Variants in ADCY6 observed in about 807,000 individuals in gnomAD.
ADCY6 encodes adenylate cyclase type 6.
A neutral mutation model predicts 111.6 loss-of-function variants in ADCY6; 59 were observed. The ratio of observed to expected loss-of-function variants is 0.53; its 90% CI spans 0.43 to 0.66. ADCY6 has a LOEUF of 0.66. Among genes scored for constraint, ADCY6 ranks in the 30% least tolerant of loss-of-function variants. ADCY6 has a pLI of 0.00. For missense variants in ADCY6, 1,242 were observed against 1,595.6 expected (o/e 0.78, Z 3.78); for synonymous variants, 576 against 642.9 (o/e 0.90, Z 1.57).
At chr12:48,784,664 A>ATTTT (rs1941942083) in intron 1 of ADCY6, among the ~76,000 whole-genome samples, 6 of 84,220 alleles carry the variant, frequency 7.1e-5, no homozygotes, top group African/African-American at 2.6e-4. Flanking sequence ...AAAAATCTGG[A>ATTTT]GTTTTTTTTT....
chr12:48,773,043 TACA>T (rs1478649532), intron 16 of ADCY6, among the ~76,000 whole-genome samples: 1 of 152,116 alleles, frequency 6.6e-6, no homozygotes, highest in Non-Finnish European at 1.5e-5. Context: ...CTTTTTCTAC[TACA>T]ACAAGCTATG....
Position 48,772,321 on chromosome 12 carries a change from G to C in ADCY6, c.2761C>G (p.Arg921Gly). 3 of 1,613,856 alleles carry C rather than the reference G, an allele frequency of 1.9e-6. No homozygotes were observed. Among genetic ancestry groups the C allele is most frequent in the Non-Finnish European group, 2.5e-6 (3 of 1,179,882 alleles). The change falls in exon 18 of 22, where the codon CGC (arginine) becomes GGC (glycine). Residue 921 changes from arginine to glycine, a missense_variant. Arg to Gly is a moderately radical substitution (Grantham distance 125). This residue lies in a region of ADCY6 where 245 missense variants were observed against 371.3 expected (regional missense o/e 0.66). Transcript: ENST00000357869. ...TGTAGTTTCCAGAGGAAGTCTAGGC[G>C]GGCAGTCGACTCCACCTGCTGAGCA... is the stretch of plus-strand genomic sequence containing the variant. ...LHAQQVESTARLDFLWKLQAT... is the reference protein window; with the variant it reads ...LHAQQVESTAGLDFLWKLQAT...
chr12:48,787,475 G>A (rs1483034909), intron 1 of ADCY6, among the ~76,000 whole-genome samples: 1 of 152,110 alleles, frequency 6.6e-6, no homozygotes, highest in African/African-American at 2.4e-5. Flanking sequence ...ATCCCACCCT[G>A]GGCTCCACTC....
chr12:48,774,927 A>AAGCT, intron 12 of ADCY6, 30 bp downstream of exon 12: 1 of 1,542,836 alleles, frequency 6.5e-7, no homozygotes, highest in Non-Finnish European at 8.8e-7. Context: ...GTGAAGAGAG[A>AAGCT]AGCTAAGAGA....
Position 48,775,990 on chromosome 12 carries a change from G to C in ADCY6, c.1779C>G (p.Thr593=). The change falls in exon 9 of 22, where the codon ACC becomes ACG. Residue 593 remains threonine (T), a synonymous_variant. Transcript: ENST00000357869. ...TCTGGCGGAAGGCCTTGGAGTCCTTGGTCCGGGAGAAGGCACGATCAGGAA... is the reference window on the plus strand; with the variant it reads ...TCTGGCGGAAGGCCTTGGAGTCCTTCGTCCGGGAGAAGGCACGATCAGGAA... The part of the protein sequence containing the change: ...RWVPDRAFSR[T]KDSKAFRQMG... 4 of 1,609,446 alleles carry C rather than the reference G, an allele frequency of 2.5e-6. No individual in the cohort carries two copies. The highest frequency in any genetic ancestry group is 3.4e-6 in the Non-Finnish European group (4 of 1,177,870).
Position 48,788,961 on chromosome 12 carries a change from TCCGGCCGG to T in ADCY6, c.-68_-61del, listed in dbSNP as rs1159051902. 1.0e-5 allele frequency: 1 copy of T among 95,774 alleles called. No individual in the cohort carries two copies. Among genetic ancestry groups the T allele is most frequent in the South Asian group, 3.6e-4 (1 of 2,804 alleles). The allele number at this position is 95,774 out of a possible 1,614,324, so 5.9% of individuals were successfully genotyped here. A position where few individuals can be genotyped will look rare whatever the true frequency, so the allele number is the denominator to read the frequency against. ...CCCCCGCCCCGCCGCCCCCGCGGGCTCCGGCCGGCCGGCCGGCCGTCCCGCGGTCCTCC... is the reference window on the plus strand; with the variant it reads ...CCCCCGCCCCGCCGCCCCCGCGGGCTCCGGCCGGCCGTCCCGCGGTCCTCC... On this transcript the variant is annotated 5_prime_UTR_variant, in exon 1 of 22. Coordinates refer to ENST00000357869, the MANE Select transcript of ADCY6 (RefSeq NM_015270.5).
Position 48,768,935 on chromosome 12 carries a change from AC to A in ADCY6, c.3381+1del, listed in dbSNP as rs1177567109. The A allele has an allele frequency of 6.2e-7, 1 of 1,606,862 alleles. No homozygotes were observed. The highest frequency in any genetic ancestry group is 1.7e-4 in the Middle Eastern group (1 of 6,044). ...CCCAGCCCCTGCTCATATCCCCCTC[AC>A]CTGGATTCGGTCGGGGACCCCCGTG... On this transcript the variant is annotated splice_donor_variant, in intron 21 of 21. Transcript: ENST00000357869. LOFTEE classifies it high-confidence loss of function.
Position 48,787,353 on chromosome 12 carries a change from C to T in ADCY6, c.-5+1553G>A, listed in dbSNP as rs575543741. 7.6e-4 allele frequency among the ~76,000 whole-genome samples: 116 copies of T among 152,164 alleles called. 1 individual carries two copies. Among genetic ancestry groups the T allele is most frequent in the Non-Finnish European group, 7.1e-4 (48 of 68,014 alleles). On this transcript the variant is annotated intron_variant, in intron 1 of 21. Transcript: ENST00000357869. Reference sequence around the variant, plus strand: ...CATCCTAGCATCTGGCTCATACTCACAGAGAAAGGGGCAAATGCTATCCAG... The same window carrying T: ...CATCCTAGCATCTGGCTCATACTCATAGAGAAAGGGGCAAATGCTATCCAG...
In ADCY6 at chr12:48,777,669, T is replaced by C. The variant is rs1175315395; in HGVS notation, c.1082A>G (p.Lys361Arg). 4 of 1,613,780 alleles carry C rather than the reference T, an allele frequency of 2.5e-6. No individual in the cohort carries two copies. In the South Asian group the frequency reaches 3.3e-5, roughly 13 times the overall value. Residue 361 changes from lysine to arginine, a missense_variant, in exon 4 of 22, where the codon AAA becomes AGA. By Grantham distance (26) the Lys-to-Arg change is conservative. Coordinates refer to ENST00000357869, the MANE Select transcript of ADCY6 (RefSeq NM_015270.5). This position sits in a 1 kb window ranked among gnomAD's most constrained non-coding sequence, Gnocchi z 4.9. Reference sequence around the variant, plus strand: ...CTTGTGGAACATCATGTCTTCTTTTTTTGTGTTGATGTCTTCTTTCATCTC... The same window carrying C: ...CTTGTGGAACATCATGTCTTCTTTTCTTGTGTTGATGTCTTCTTTCATCTC... The part of the protein sequence containing the change: ...AMEMKEDINT[K>R]KEDMMFHKIY...
Position 48,772,372 on chromosome 12 carries a change from C to T in ADCY6, c.2710G>A (p.Val904Met), listed in dbSNP as rs747259943. 18 of 1,614,208 alleles carry T rather than the reference C, an allele frequency of 1.1e-5. No homozygotes were observed. Among genetic ancestry groups the T allele is most frequent in the South Asian group, 5.5e-5 (5 of 91,086 alleles). Residue 904 changes from valine to methionine, a missense_variant, in exon 18 of 22, where the codon GTG becomes ATG. Around this residue, in one of 4 missense-constraint regions of ADCY6, gnomAD observed 245 missense variants for 371.3 expected, o/e 0.66. Transcript: ENST00000357869. The stretch of plus-strand genomic sequence containing the variant: ...TGCAGATACAGCGCCAGCGCAAACA[C>T]CAGCAGAATCACAGGGGTCATATAT... Reference protein sequence around the residue: ...LKYMTPVILLVFALALYLHAQ... With the variant: ...LKYMTPVILLMFALALYLHAQ...
chr12:48,781,638 G>C (rs1004914143), intron 2 of ADCY6, among the ~76,000 whole-genome samples: 1 of 152,188 alleles, frequency 6.6e-6, no homozygotes, highest in Non-Finnish European at 1.5e-5. Flanking sequence ...CTCCACTCTA[G>C]GAAAGGGTGG....
chr12:48,777,931 C>A lies in ADCY6; in HGVS notation c.1014+177G>T, dbSNP rs1359173582. Among the ~76,000 whole-genome samples, 2 of 152,160 alleles carry A rather than the reference C, an allele frequency of 1.3e-5. No individual in the cohort carries two copies. Among genetic ancestry groups the A allele is most frequent in the African/African-American group, 4.8e-5 (2 of 41,436 alleles). On this transcript the variant is annotated intron_variant, in intron 3 of 21. Transcript: ENST00000357869. The surrounding 1 kb of genome is among the most constrained non-coding windows in gnomAD (Gnocchi z 4.9). ...ATTGAGCCCCCAGATGTGCTCCTGT[C>A]TACGCCCTCCTTCCCTTGGACAGGA...
At chr12:48,770,313 A>G (rs1231863990) in intron 20 of ADCY6, among the ~76,000 whole-genome samples, 1 of 152,166 alleles carries the variant, frequency 6.6e-6, no homozygotes, top group Non-Finnish European at 1.5e-5. Flanking sequence ...AAGCCAGTAA[A>G]TGGAGCAGCC....
intron 14 of ADCY6, 45 bp from the exon 15 acceptor site, chr12:48,774,143 G>A (rs775736046): frequency 6.4e-7 from 1 of 1,555,218 alleles, no homozygotes. Context: ...GGAGGGAAAG[G>A]GTTGCAAGGT....
At position 48,771,928 on chromosome 12, in the gene ADCY6, G is replaced by C. The variant is rs2137339338; in HGVS notation, c.2833C>G (p.Arg945Gly). 1.2e-6 allele frequency: 2 copies of C among 1,614,070 alleles called. No individual in the cohort carries two copies. The highest frequency in any genetic ancestry group is 1.7e-6 in the Non-Finnish European group (2 of 1,179,976). ...GGCAGAATGTTATGCAGCAGCCTCC[G>C]GTTGTATGCCTGTAGCTCCTCCATC... ...EEMEELQAYN[R>G]RLLHNILPKD... The change falls in exon 19 of 22, where the codon CGG (arginine) becomes GGG (glycine). Residue 945 changes from arginine to glycine, a missense_variant. Physicochemically the swap from Arg to Gly is moderately radical, Grantham distance 125. Coordinates refer to ENST00000357869, the MANE Select transcript of ADCY6 (RefSeq NM_015270.5). This position sits in a 1 kb window ranked among gnomAD's most constrained non-coding sequence, Gnocchi z 4.3.
At chr12:48,785,306 C>T (rs1489862342) in intron 1 of ADCY6, among the ~76,000 whole-genome samples, 1 of 152,166 alleles carries the variant, frequency 6.6e-6, no homozygotes, top group East Asian at 1.9e-4. Flanking sequence ...GTATCCACAA[C>T]CCTTAGAAGG....
At position 48,782,557 on chromosome 12, in the gene ADCY6, C is replaced by T. The variant is rs775024303; in HGVS notation, c.864+14G>A. 1 of 1,601,458 alleles carries T rather than the reference C, an allele frequency of 6.2e-7. No individual in the cohort carries two copies. Among genetic ancestry groups the T allele is most frequent in the Non-Finnish European group, 8.5e-7 (1 of 1,173,632 alleles). ...CACCTGCTGCCCTCCATCCCTACCTCCCTGGCCACCTACCTGCTTCCAGAG... is the reference window on the plus strand; with the variant it reads ...CACCTGCTGCCCTCCATCCCTACCTTCCTGGCCACCTACCTGCTTCCAGAG... On this transcript the variant is annotated intron_variant, in intron 2 of 21. Transcript: ENST00000357869. The surrounding 1 kb of genome is among the most constrained non-coding windows in gnomAD (Gnocchi z 4.3).
Position 48,770,750 on chromosome 12 carries a change from A to G in ADCY6, c.3256+16T>C. The G allele has an allele frequency of 6.2e-7, 1 of 1,611,082 alleles. No homozygotes were observed. The highest frequency in any genetic ancestry group is 1.1e-5 in the South Asian group (1 of 90,990). On this transcript the variant is annotated intron_variant, in intron 20 of 21. Transcript: ENST00000357869. Reference sequence around the variant, plus strand: ...AAAGTCCTGGGAAAACCCGCCAAGCAACAAAGCCCTCTTACCAATCTTCAT... The same window carrying G: ...AAAGTCCTGGGAAAACCCGCCAAGCGACAAAGCCCTCTTACCAATCTTCAT...
intron 1 of ADCY6, among the ~76,000 whole-genome samples, chr12:48,784,664 A>ATTTTTTTTT: frequency 2.4e-5 from 2 of 84,218 alleles, no homozygotes; most frequent in Non-Finnish European, 4.8e-5. Flanking sequence ...AAAAATCTGG[A>ATTTTTTTTT]GTTTTTTTTT....
Sources: gnomAD v4.1 joint callset for allele counts (sites outside exome capture counted in the v4.1 genomes callset) on GRCh38, gnomAD v4.1.1 for gene constraint, gnomAD v4.1.1 regional missense constraint, Gnocchi (gnomAD v3.1) non-coding constraint, MANE v1.5 for transcripts, NCBI Gene and HGNC (gene_info 2026-07-23, HGNC 2026-07-21) for gene names.